The following SGF29 variants were observed in gnomAD, a reference collection of about 807,000 sequenced individuals.
SGF29 encodes the protein SAGA complex associated factor 29.
SGF29 carries 15 observed loss-of-function variants against 38.1 expected under a neutral mutation model. The ratio of observed to expected loss-of-function variants is 0.39; its 90% CI spans 0.26 to 0.61. The LOEUF (loss-of-function observed/expected upper bound fraction) is 0.61. SGF29 is among the 20% of genes least tolerant of loss of function. SGF29 has a pLI of 0.49. For synonymous variants in SGF29, 151 were observed against 160.8 expected (o/e 0.94, Z 0.46); for missense variants, 184 against 394.6 (o/e 0.47, Z 4.52).
intron 1 of SGF29, among the ~76,000 whole-genome samples, chr16:28,573,319 A>G (rs952379011): frequency 2.0e-5 from 3 of 151,956 alleles, no homozygotes; most frequent in African/African-American, 7.3e-5. Flanking sequence ...GCCAGAGGAG[A>G]AGGGAGTAGC....
chr16:28,585,559 C>T, intron 3 of SGF29, 89 bp from the exon 4 acceptor site: 5 of 1,211,398 alleles, frequency 4.1e-6, no homozygotes, highest in Non-Finnish European at 6.1e-6. Flanking sequence ...CTCTGTGCCT[C>T]CACGAGTGTG....
At chr16:28,585,286 G>T (rs2046950233) in intron 3 of SGF29, 1 of 508,154 alleles carries the variant, frequency 2.0e-6, no homozygotes, top group Non-Finnish European at 3.5e-6. Context: ...TTCCCAGGCG[G>T]CCCCTGCATC....
In SGF29 at chr16:28,590,982, G is replaced by A; in HGVS notation, c.765+47G>A. 1 of 1,547,746 alleles carries A rather than the reference G, an allele frequency of 6.5e-7. No homozygotes were observed. Among genetic ancestry groups the A allele is most frequent in the Non-Finnish European group, 8.7e-7 (1 of 1,143,520 alleles). On this transcript the variant is annotated intron_variant, in intron 9 of 9. Coordinates refer to ENST00000317058, the MANE Select transcript of SGF29 (RefSeq NM_138414.3). The surrounding 1 kb of genome is among the most constrained non-coding windows in gnomAD (Gnocchi z 8.2). ...AGGCCATGGGTGATGTCAGGAACAG[G>A]CTGATCAGACAGACGAGGGGTCCTC... is the stretch of plus-strand genomic sequence containing the variant.
At chr16:28,571,094 G>A (rs761334262) in intron 1 of SGF29, among the ~76,000 whole-genome samples, 2 of 152,088 alleles carry the variant, frequency 1.3e-5, no homozygotes, top group Non-Finnish European at 2.9e-5. Context: ...ACATGGTGGG[G>A]CCTTTGGGAA....
At position 28,559,017 on chromosome 16, in the gene SGF29, A is replaced by C. The variant is rs532793278; in HGVS notation, c.-16+4920A>C. On this transcript the variant is annotated intron_variant, in intron 1 of 9. Coordinates refer to ENST00000317058, the MANE Select transcript of SGF29 (RefSeq NM_138414.3). The stretch of plus-strand genomic sequence containing the variant: ...TGACTAACATAACACTGAATTGCAC[A>C]CTTTAAAAAAGTGAATTGGGGTGGG... 3.9e-5 allele frequency among the ~76,000 whole-genome samples: 6 copies of C among 152,198 alleles called. No homozygotes were observed. In the South Asian group the frequency reaches 1.2e-3, roughly 31 times the overall value.
intron 1 of SGF29, among the ~76,000 whole-genome samples, chr16:28,561,239 A>C (rs1287188174): frequency 1.3e-5 from 2 of 151,502 alleles, no homozygotes; most frequent in Non-Finnish European, 2.9e-5. Flanking sequence ...AAAAAGTTTA[A>C]AAATTAGCTG....
At chr16:28,589,414 T>C (rs1364654565) in intron 5 of SGF29, 3 of 492,754 alleles carry the variant, frequency 6.1e-6, no homozygotes. Context: ...TCCTGCCCCT[T>C]CTGGGGCCTG....
At chr16:28,569,487 C>T (rs1354897768) in intron 1 of SGF29, among the ~76,000 whole-genome samples, 5 of 151,570 alleles carry the variant, frequency 3.3e-5, no homozygotes. Flanking sequence ...TGGTGCAACC[C>T]TGTCTCTACA....
intron 1 of SGF29, among the ~76,000 whole-genome samples, chr16:28,562,176 G>A (rs1332100236): frequency 6.6e-6 from 1 of 152,200 alleles, no homozygotes; most frequent in African/African-American, 2.4e-5. Context: ...CAGTGTAACA[G>A]CAGACCCCTG....
intron 1 of SGF29, among the ~76,000 whole-genome samples, chr16:28,556,451 G>A (rs1251562203): frequency 3.3e-5 from 5 of 152,146 alleles, no homozygotes; most frequent in African/African-American, 7.2e-5. Flanking sequence ...GGTTTCAAGC[G>A]ATTCTCCTGC....
At chr16:28,583,817 T>C (rs1052777405) in intron 2 of SGF29, among the ~76,000 whole-genome samples, 2 of 152,196 alleles carry the variant, frequency 1.3e-5, no homozygotes, top group Non-Finnish European at 2.9e-5. Context: ...TTGGGAAGTA[T>C]GAGTTCTCCA....
At chr16:28,559,168 A>G (rs2046770502) in intron 1 of SGF29, among the ~76,000 whole-genome samples, 1 of 152,018 alleles carries the variant, frequency 6.6e-6, no homozygotes, top group African/African-American at 2.4e-5. Context: ...GAAAATTATA[A>G]AATTAGCTGG....
intron 2 of SGF29, among the ~76,000 whole-genome samples, chr16:28,583,757 GC>G (rs2046939774): frequency 6.6e-6 from 1 of 152,078 alleles, no homozygotes; most frequent in Non-Finnish European, 1.5e-5. Context: ...TGATCTATAT[GC>G]CAGTACCACA....
intron 1 of SGF29, among the ~76,000 whole-genome samples, chr16:28,579,474 T>A (rs1011529790): frequency 3.3e-5 from 5 of 151,224 alleles, no homozygotes; most frequent in African/African-American, 9.7e-5. Flanking sequence ...GCCAGGATGG[T>A]CTTGATCTCT....
At chr16:28,556,368 C>A (rs559911309) in intron 1 of SGF29, among the ~76,000 whole-genome samples, 1 of 151,880 alleles carries the variant, frequency 6.6e-6, no homozygotes, top group African/African-American at 2.4e-5. Flanking sequence ...TGTTTTGAGA[C>A]GGAGTTTCAC....
rs1567285936 is a variant in SGF29 at position 28,564,700 on chromosome 16, TATATATAC to T, written c.-16+10611_-16+10618del. 2.3e-3 allele frequency among the ~76,000 whole-genome samples: 185 copies of T among 80,846 alleles called. 1 individual carries two copies. The highest frequency in any genetic ancestry group is 8.7e-3 in the African/African-American group (172 of 19,832). The allele number at this position is 80,846 out of a possible 152,430, so 53.0% of individuals were successfully genotyped here. ...GTATATATATGTGTATATATATGTA[TATATATAC>T]ATATATATGTATATATATACATATA... On this transcript the variant is annotated intron_variant, in intron 1 of 9. Transcript: ENST00000317058.
At position 28,590,552 on chromosome 16, in the gene SGF29, C is replaced by T; in HGVS notation, c.567-79C>T. ...CAGAGGCTGGTTGTGCAGGGAGCAC[C>T]AGGTCCTCCCCCATCCTCACTCCCC... On this transcript the variant is annotated intron_variant, in intron 7 of 9. Transcript: ENST00000317058. The surrounding 1 kb of genome is among the most constrained non-coding windows in gnomAD (Gnocchi z 8.2). The T allele has an allele frequency of 6.2e-7, 1 of 1,612,036 alleles. No individual in the cohort carries two copies. Among genetic ancestry groups the T allele is most frequent in the African/African-American group, 1.3e-5 (1 of 74,988 alleles).
chr16:28,554,595 C>T (rs944383968), intron 1 of SGF29, among the ~76,000 whole-genome samples: 6 of 151,936 alleles, frequency 3.9e-5, no homozygotes, highest in Non-Finnish European at 7.4e-5. Flanking sequence ...TAGGCGTGAG[C>T]CCCCGCGCCC....
chr16:28,591,707 T>G lies in SGF29; in HGVS notation c.*1T>G, dbSNP rs1596610789. ...TTGTAAGGAACCCAAGAAAAAGTGA[T>G]GCCGCCTGGCAGACTCGCCATCCCC... On this transcript the variant is annotated 3_prime_UTR_variant, in exon 10 of 10. Transcript: ENST00000317058. 19 of 1,606,460 alleles carry G rather than the reference T, an allele frequency of 1.2e-5. No individual in the cohort carries two copies. Among genetic ancestry groups the G allele is most frequent in the Non-Finnish European group, 1.6e-5 (19 of 1,173,116 alleles).
Sources: allele counts gnomAD v4.1 joint callset (sites outside exome capture counted in the v4.1 genomes callset), GRCh38; gene constraint gnomAD v4.1.1; non-coding constraint Gnocchi (gnomAD v3.1); transcripts MANE v1.5; gene names NCBI Gene and HGNC (gene_info 2026-07-23, HGNC 2026-07-21).